TSSK4: variants seen among roughly 807,000 people sequenced by gnomAD.
TSSK4 encodes testis specific serine kinase 4.
Under a neutral mutation model 28.5 loss-of-function variants are expected in TSSK4, and 22 were observed. That is an observed-to-expected ratio of 0.77 (90% CI 0.55 to 1.10). The LOEUF (loss-of-function observed/expected upper bound fraction) is 1.10, where lower values mean the gene tolerates loss of function less well. Ranked by LOEUF, TSSK4 falls within the 50% of genes least tolerant of loss-of-function variation. The pLI, the probability that TSSK4 is intolerant of heterozygous loss-of-function variation, is 0.00. For synonymous variants in TSSK4, 151 were observed against 158.3 expected (o/e 0.95, Z 0.35); for missense variants, 329 against 415.4 (o/e 0.79, Z 1.81).
rs769572563 is a variant in TSSK4, at chr14:24,206,735, G to A, written c.440+12G>A. On this transcript the variant is annotated intron_variant, in intron 2 of 3. Coordinates refer to ENST00000339917, the MANE Select transcript of TSSK4 (RefSeq NM_001184739.2). ...AGCATCGTGCACCGGTGAGGGCGCT[G>A]CCACCCAGACTGGGGCCTTTGCCCT... 3.7e-6 allele frequency: 6 copies of A among 1,612,344 alleles called. No homozygotes were observed. The highest frequency in any genetic ancestry group is 3.4e-6 in the Non-Finnish European group (4 of 1,179,562).
At chr14:24,207,012 T>TGTGCCCTCATAATGGTTTCTACCTC in intron 2 of TSSK4, 104 bp from the exon 3 acceptor site, 2 of 1,469,656 alleles carry the variant, frequency 1.4e-6, no homozygotes, top group Non-Finnish European at 1.9e-6. Flanking sequence ...CTCTCTACCT[T>TGTGCCCTCATAATGGTTTCTACCTC]GTGCCCTCAT....
rs1461062886 is a variant in TSSK4 at position 24,206,572 on chromosome 14, C to T, written c.289C>T (p.Arg97Ter). ...CTATCGGGCCATTGAGAGCACATCT[C>T]GAGTATACATCATTCTGGAACTGGC... ...NFYRAIESTS[R>*]VYIILELAQG... The change falls in exon 2 of 4, where the codon CGA becomes TGA. Residue 97 changes from arginine (R) to a stop codon, truncating the protein, a stop_gained. Coordinates refer to ENST00000339917, the MANE Select transcript of TSSK4 (RefSeq NM_001184739.2). LOFTEE classifies it high-confidence loss of function. 11 of 1,614,082 alleles carry T rather than the reference C, an allele frequency of 6.8e-6. No individual in the cohort carries two copies. Among genetic ancestry groups the T allele is most frequent in the Admixed American group, 3.3e-5 (2 of 59,996 alleles).
chr14:24,208,186 G>C lies in TSSK4; in HGVS notation c.*40G>C. 1 of 1,537,892 alleles carries C rather than the reference G, an allele frequency of 6.5e-7. No homozygotes were observed. Among genetic ancestry groups the C allele is most frequent in the African/African-American group, 1.4e-5 (1 of 72,322 alleles). On this transcript the variant is annotated 3_prime_UTR_variant, in exon 4 of 4. Coordinates refer to ENST00000339917, the MANE Select transcript of TSSK4 (RefSeq NM_001184739.2). ...GGGGGCTAAGAGAGGAGCAAAGCAG[G>C]AGGTCTTGGGCTAAAAATCTTTTTT...
chr14:24,206,832 G>T, intron 2 of TSSK4, 109 bp downstream of exon 2: 1 of 1,159,810 alleles, frequency 8.6e-7, no homozygotes, highest in Non-Finnish European at 1.2e-6. Flanking sequence ...TCAATATCTA[G>T]CCTATTCATG....
In TSSK4 at chr14:24,205,853, C is replaced by T. The variant is rs1341781184; in HGVS notation, c.-71C>T. 1 of 1,212,862 alleles carries T rather than the reference C, an allele frequency of 8.2e-7. No homozygotes were observed. Among genetic ancestry groups the T allele is most frequent in the Non-Finnish European group, 1.2e-6 (1 of 820,036 alleles). 75.1% of individuals were successfully genotyped at this position (1,212,862 alleles called of 1,614,324 possible). On this transcript the variant is annotated 5_prime_UTR_variant, in exon 1 of 4. Coordinates refer to ENST00000339917, the MANE Select transcript of TSSK4 (RefSeq NM_001184739.2). ...ACTTTGATACCCTAGCCTTCAGCAG[C>T]TCAAGGTGTTGGCCTTTGGATAGGA...
chr14:24,207,258 T>C lies in TSSK4; in HGVS notation c.583T>C (p.Tyr195His). The C allele has an allele frequency of 3.7e-6, 6 of 1,614,170 alleles. No homozygotes were observed. Among genetic ancestry groups the C allele is most frequent in the Non-Finnish European group, 5.1e-6 (6 of 1,180,006 alleles). ...SNQPVGCSPS[Y>H]RQVNCFSHLS... is the part of the protein sequence containing the mutation. ...CCAGCCTGTGGGTTGTAGCCCTTCTTACCGCCAAGTGAACTGCTTTTCCCA... is the reference window on the plus strand; with the variant it reads ...CCAGCCTGTGGGTTGTAGCCCTTCTCACCGCCAAGTGAACTGCTTTTCCCA... Residue 195 changes from tyrosine (Y) to histidine (H), a missense_variant, in exon 3 of 4, where the codon TAC becomes CAC. Coordinates refer to ENST00000339917, the MANE Select transcript of TSSK4 (RefSeq NM_001184739.2).
chr14:24,205,886 A>G lies in TSSK4; in HGVS notation c.-38A>G, dbSNP rs2039507794. On this transcript the variant is annotated 5_prime_UTR_variant, in exon 1 of 4. Coordinates refer to ENST00000339917, the MANE Select transcript of TSSK4 (RefSeq NM_001184739.2). ...GTTGGCCTTTGGATAGGAGGCTTCC[A>G]AGTAGTAAAGCTCCCTGCTCTCAGC... The G allele has an allele frequency of 6.4e-7, 1 of 1,565,604 alleles. No individual in the cohort carries two copies. Among genetic ancestry groups the G allele is most frequent in the African/African-American group, 1.4e-5 (1 of 73,946 alleles).
In TSSK4 at chr14:24,206,385, C is replaced by T. The variant is rs563942506; in HGVS notation, c.226-124C>T. On this transcript the variant is annotated intron_variant, in intron 1 of 3. Coordinates refer to ENST00000339917, the MANE Select transcript of TSSK4 (RefSeq NM_001184739.2). The stretch of plus-strand genomic sequence containing the variant: ...AGCATTTGCCCACAGGCCACCAGTT[C>T]TCTGGGGTTGAGGGGCTGATCCTAT... The T allele has an allele frequency of 2.9e-4, 318 of 1,105,652 alleles. 6 individuals carry two copies. The South Asian group carries it at 4.4e-3, about 15-fold the overall frequency. 68.5% of individuals were successfully genotyped at this position (1,105,652 alleles called of 1,614,324 possible). A position where few individuals can be genotyped will look rare whatever the true frequency, so the allele number is the denominator to read the frequency against.
At position 24,207,374 on chromosome 14, in the gene TSSK4, G is replaced by A. The variant is rs767643845; in HGVS notation, c.699G>A (p.Trp233Ter). ...LPYNPFLSDT[W>*]SMGVILYTLV... ...ACAACCCTTTCCTGTCTGACACCTG[G>A]AGCATGGGCGTCATCCTTTACACTC... Residue 233 changes from tryptophan (W) to a stop codon, truncating the protein, a stop_gained, in exon 3 of 4, where the codon TGG (tryptophan) becomes TGA (stop). Coordinates refer to ENST00000339917, the MANE Select transcript of TSSK4 (RefSeq NM_001184739.2). LOFTEE classifies it high-confidence loss of function. The A allele has an allele frequency of 3.2e-5, 51 of 1,614,012 alleles. 1 individual carries two copies. In the South Asian group the frequency reaches 5.6e-4, roughly 18 times the overall value.
Position 24,205,790 on chromosome 14 carries a change from C to T in TSSK4, c.-134C>T, listed in dbSNP as rs982876729. The T allele has an allele frequency of 2.0e-5, 13 of 654,368 alleles. No homozygotes were observed. The highest frequency in any genetic ancestry group is 1.0e-4 in the Admixed American group (4 of 39,334). The allele number at this position is 654,368 out of a possible 1,614,324, so 40.5% of individuals were successfully genotyped here. A position where few individuals can be genotyped will look rare whatever the true frequency, so the allele number is the denominator to read the frequency against. ...AGGGCTGAGTCCAGCATCCCAGACT[C>T]GTGTGACTATATAGGCAAGCATTTG... On this transcript the variant is annotated 5_prime_UTR_variant, in exon 1 of 4. Coordinates refer to ENST00000339917, the MANE Select transcript of TSSK4 (RefSeq NM_001184739.2).
In TSSK4 at chr14:24,206,554, G is replaced by A. The variant is rs143912363; in HGVS notation, c.271G>A (p.Ala91Thr). 3.1e-6 allele frequency: 5 copies of A among 1,614,196 alleles called. No individual in the cohort carries two copies. The African/African-American group carries it at 5.3e-5, about 17-fold the overall frequency. ...CAAGTACCTCATCAACTTCTATCGG[G>A]CCATTGAGAGCACATCTCGAGTATA... ...RHKYLINFYR[A>T]IESTSRVYII... is the part of the protein sequence containing the mutation. The change falls in exon 2 of 4, where the codon GCC becomes ACC. Residue 91 changes from alanine (A) to threonine (T), a missense_variant. Physicochemically the swap from Ala to Thr is moderately conservative, Grantham distance 58. Transcript: ENST00000339917.
chr14:24,206,888 C>A, intron 2 of TSSK4, 165 bp downstream of exon 2: 4 of 989,192 alleles, frequency 4.0e-6, no homozygotes, highest in Non-Finnish European at 6.1e-6. Context: ...AAAGTACTCA[C>A]TGTATGCAAA....
chr14:24,208,194 G>T lies in TSSK4; in HGVS notation c.*48G>T. The T allele has an allele frequency of 6.6e-7, 1 of 1,515,724 alleles. No homozygotes were observed. Among genetic ancestry groups the T allele is most frequent in the South Asian group, 1.3e-5 (1 of 76,970 alleles). 93.9% of individuals were successfully genotyped at this position (1,515,724 alleles called of 1,614,324 possible). On this transcript the variant is annotated 3_prime_UTR_variant, in exon 4 of 4. Coordinates refer to ENST00000339917, the MANE Select transcript of TSSK4 (RefSeq NM_001184739.2). ...AGAGAGGAGCAAAGCAGGAGGTCTT[G>T]GGCTAAAAATCTTTTTTACCAAAAA...
In TSSK4 at chr14:24,208,088, C is replaced by G. The variant is rs1410147951; in HGVS notation, c.959C>G (p.Ala320Gly). 6.2e-7 allele frequency: 1 copy of G among 1,614,114 alleles called. No individual in the cohort carries two copies. The highest frequency in any genetic ancestry group is 1.7e-5 in the Admixed American group (1 of 60,006). ...ACCCATGAGATCAGGCTGCTTGAGG[C>G]CATGTGCCAGCTCCACAACACCACT... is the stretch of plus-strand genomic sequence containing the variant. Reference protein sequence around the residue: ...QPTHEIRLLEAMCQLHNTTKQ... With the variant: ...QPTHEIRLLEGMCQLHNTTKQ... Residue 320 changes from alanine to glycine, a missense_variant, in exon 4 of 4, where the codon GCC (alanine) becomes GGC (glycine). Ala to Gly is a moderately conservative substitution (Grantham distance 60). Around this residue, in one of 3 missense-constraint regions of TSSK4, gnomAD observed 139 missense variants for 178.1 expected, o/e 0.78. Transcript: ENST00000339917.
chr14:24,207,459 C>A lies in TSSK4; in HGVS notation c.784C>A (p.Gln262Lys). Reference sequence around the variant, plus strand: ...TCTCAAAAAGCTGCTAAGAGAGACTCAGAAGGAGGTCACTTTCCCAGCTAA... The same window carrying A: ...TCTCAAAAAGCTGCTAAGAGAGACTAAGAAGGAGGTCACTTTCCCAGCTAA... ...TNLKKLLRETQKEVTFPANHT... is the reference protein window; with the variant it reads ...TNLKKLLRETKKEVTFPANHT... Residue 262 changes from glutamine to lysine, a missense_variant, in exon 3 of 4, where the codon CAG becomes AAG. Gln to Lys is a moderately conservative substitution (Grantham distance 53). Coordinates refer to ENST00000339917, the MANE Select transcript of TSSK4 (RefSeq NM_001184739.2). 3 of 1,613,920 alleles carry A rather than the reference C, an allele frequency of 1.9e-6. No homozygotes were observed. The highest frequency in any genetic ancestry group is 2.5e-6 in the Non-Finnish European group (3 of 1,179,904).
intron 2 of TSSK4, 41 bp from the exon 3 acceptor site, chr14:24,207,075 G>A: frequency 5.0e-6 from 8 of 1,599,742 alleles, no homozygotes; most frequent in Non-Finnish European, 6.8e-6. Flanking sequence ...TCTGACCCCT[G>A]GCCCTTCAGC....
At chr14:24,207,645 T>A in intron 3 of TSSK4, 136 bp downstream of exon 3, 1 of 1,076,432 alleles carries the variant, frequency 9.3e-7, no homozygotes, top group Non-Finnish European at 1.3e-6. Flanking sequence ...TCTCACACAC[T>A]AGCTCCTGTC....
Position 24,206,015 on chromosome 14 carries a change from T to C in TSSK4, c.92T>C (p.Ile31Thr), listed in dbSNP as rs760954275. 3.7e-6 allele frequency: 6 copies of C among 1,614,076 alleles called. No homozygotes were observed. The East Asian group carries it at 8.9e-5, about 24-fold the overall frequency. Residue 31 changes from isoleucine (I) to threonine (T), a missense_variant, in exon 1 of 4, where the codon ATT becomes ACT. Ile to Thr is a moderately conservative substitution (Grantham distance 89, BLOSUM62 -1). Around this residue, in one of 3 missense-constraint regions of TSSK4, gnomAD observed 175 missense variants for 196.0 expected, o/e 0.89. Coordinates refer to ENST00000339917, the MANE Select transcript of TSSK4 (RefSeq NM_001184739.2). Reference sequence around the variant, plus strand: ...TATGGTTATGAGGTGGGCAAGGCCATTGGCCATGGCTCCTATGGGTCGGTA... The same window carrying C: ...TATGGTTATGAGGTGGGCAAGGCCACTGGCCATGGCTCCTATGGGTCGGTA... The part of the protein sequence containing the change: ...DEYGYEVGKA[I>T]GHGSYGSVYE...
In TSSK4 at chr14:24,208,110, C is replaced by T; in HGVS notation, c.981C>T (p.Thr327=). Residue 327 remains threonine, a synonymous_variant, in exon 4 of 4, where the codon ACC becomes ACT. Transcript: ENST00000339917. ...AGGCCATGTGCCAGCTCCACAACACCACTAAACAGCACCAATCCTTGCAAA... is the reference window on the plus strand; with the variant it reads ...AGGCCATGTGCCAGCTCCACAACACTACTAAACAGCACCAATCCTTGCAAA... ...LLEAMCQLHN[T]TKQHQSLQIT... 6.2e-7 allele frequency: 1 copy of T among 1,612,192 alleles called. No homozygotes were observed. The highest frequency in any genetic ancestry group is 1.1e-5 in the South Asian group (1 of 91,058).
Sources: allele counts gnomAD v4.1 joint callset, GRCh38; gene constraint gnomAD v4.1.1; regional missense constraint gnomAD v4.1.1; transcripts MANE v1.5; gene names NCBI Gene and HGNC (gene_info 2026-07-23, HGNC 2026-07-21).